C11orf65: variants seen among roughly 807,000 people sequenced by gnomAD.
C11orf65 encodes the protein chromosome 11 open reading frame 65, also known as protein MFI.
In C11orf65, 38 loss-of-function variants were observed where a neutral mutation model predicts 35.3. That is an observed-to-expected ratio of 1.08 (90% CI 0.83 to 1.41). C11orf65 has a LOEUF of 1.41. Among genes scored for constraint, C11orf65 ranks in the 40% most tolerant of loss-of-function variants. The pLI is 0.00. For missense variants in C11orf65, 370 were observed against 367.1 expected (o/e 1.01, Z -0.06); for synonymous variants, 105 against 114.4 (o/e 0.92, Z 0.53).
intron 3 of C11orf65, among the ~76,000 whole-genome samples, chr11:108,407,485 A>ATT (rs375638984): frequency 0.015 from 2,006 of 137,082 alleles, 53 homozygotes; most frequent in African/African-American, 0.046. Context: ...CTAATTTTGT[A>ATT]TTTTTTTTTT....
chr11:108,356,302 G>A (rs537440410), intron 2 of C11orf65, among the ~76,000 whole-genome samples: 19 of 152,126 alleles, frequency 1.2e-4, no homozygotes, highest in Non-Finnish European at 2.2e-4. Flanking sequence ...TTGAGAGGCC[G>A]AGACAGGTGG....
In C11orf65 at chr11:108,335,944, A is replaced by G. The variant is rs2086799919; in HGVS notation, c.227-652T>C. The G allele has an allele frequency of 3.7e-6, 6 of 1,609,648 alleles. No individual in the cohort carries two copies. The highest frequency in any genetic ancestry group is 5.1e-6 in the Non-Finnish European group (6 of 1,176,022). ...CACGGAAACTAGGAAGAGGAAATTAACTATCTGTACTTATAAGGTAACTAT... is the reference window on the plus strand; with the variant it reads ...CACGGAAACTAGGAAGAGGAAATTAGCTATCTGTACTTATAAGGTAACTAT... On this transcript the variant is annotated intron_variant, in intron 2 of 3. Coordinates refer to the C11orf65 transcript ENST00000524755.
At chr11:108,378,684 G>C, downstream of C11orf65, among the ~76,000 whole-genome samples, 3 of 137,008 alleles carry the variant, frequency 2.2e-5, no homozygotes, top group African/African-American at 9.0e-5. Flanking sequence ...TACCATCAGA[G>C]TGAACAGGCA....
At chr11:108,450,587 G>A (rs1301659187) in intron 2 of C11orf65, among the ~76,000 whole-genome samples, 1 of 131,074 alleles carries the variant, frequency 7.6e-6, no homozygotes, top group Non-Finnish European at 1.6e-5. Flanking sequence ...GAACACATAG[G>A]CACAGGAAGG....
intron 3 of C11orf65, among the ~76,000 whole-genome samples, chr11:108,412,627 T>A (rs1285378907): frequency 6.6e-6 from 1 of 152,154 alleles, no homozygotes; most frequent in Non-Finnish European, 1.5e-5. Flanking sequence ...TCCCAGCTAC[T>A]TCAGAGGCTG....
At position 108,383,087 on chromosome 11, in the gene C11orf65, G is replaced by A. The variant is rs148030903; in HGVS notation, c.876C>T (p.Tyr292=). Residue 292 remains tyrosine (Y), a synonymous_variant, in exon 9 of 9, where the codon TAC becomes TAT. Transcript: ENST00000393084. ...TTGGTTCTTGATAAACATTTTCATA[G>A]TAAGTATCATCTGGTATTCCCATTT... ...KMQMGIPDDT[Y]YENVYQEPNV... The A allele has an allele frequency of 3.7e-6, 6 of 1,611,384 alleles. No individual in the cohort carries two copies. Among genetic ancestry groups the A allele is most frequent in the Admixed American group, 3.4e-5 (2 of 59,620 alleles).
At position 108,354,821 on chromosome 11, in the gene C11orf65, A is replaced by G. The variant is rs587779875; in HGVS notation, c.227-19529T>C. ...TGTGTTTGACTCTAGATGCTGTGAGAAAACCATGGAAGTGATGAGAAACTC... is the reference window on the plus strand; with the variant it reads ...TGTGTTTGACTCTAGATGCTGTGAGGAAACCATGGAAGTGATGAGAAACTC... On this transcript the variant is annotated intron_variant, in intron 2 of 3. Transcript: ENST00000524755. 3.7e-6 allele frequency: 6 copies of G among 1,613,820 alleles called. No homozygotes were observed. The East Asian group carries it at 1.3e-4, about 36-fold the overall frequency.
At chr11:108,429,188 C>G (rs945162650) in intron 3 of C11orf65, among the ~76,000 whole-genome samples, 1 of 151,932 alleles carries the variant, frequency 6.6e-6, no homozygotes, top group Non-Finnish European at 1.5e-5. Context: ...ATTAAAAAGG[C>G]ACCAACCACA....
At chr11:108,378,258 G>A (rs1358090635), downstream of C11orf65, among the ~76,000 whole-genome samples, 29 of 149,766 alleles carry the variant, frequency 1.9e-4, no homozygotes, top group South Asian at 5.1e-3. Context: ...AACCAAAACA[G>A]CATGGTACTG....
chr11:108,384,798 C>T (rs1429048614), intron 8 of C11orf65, among the ~76,000 whole-genome samples: 1 of 152,010 alleles, frequency 6.6e-6, no homozygotes, highest in East Asian at 1.9e-4. Flanking sequence ...AACAAACAAA[C>T]AAACAAACAA....
intron 2 of C11orf65, chr11:108,368,547 A>C (rs1258063242): frequency 9.2e-6 from 2 of 216,950 alleles, no homozygotes; most frequent in African/African-American, 4.5e-5. Context: ...AGAAGATAGT[A>C]AATTATAAGT....
chr11:108,308,693 G>A (rs565498411), exon 7 of C11orf65: 3 of 295,368 alleles, frequency 1.0e-5, no homozygotes, highest in Non-Finnish European at 2.0e-5. Flanking sequence ...GGTTGGTAAA[G>A]AATGAGAGGG....
At chr11:108,335,380 GA>G (rs1225184596) in intron 2 of C11orf65, 65 of 1,000,130 alleles carry the variant, frequency 6.5e-5, no homozygotes, top group Middle Eastern at 3.1e-4. Flanking sequence ...TGCTTCTTAT[GA>G]AAAAAAATAC....
intron 3 of C11orf65, among the ~76,000 whole-genome samples, chr11:108,410,755 C>G (rs1337059465): frequency 1.4e-5 from 2 of 145,268 alleles, no homozygotes; most frequent in Non-Finnish European, 3.0e-5. Flanking sequence ...GTCGCTCAGT[C>G]TGGGGTGCAG....
At chr11:108,440,001 T>C (rs1414504568) in intron 2 of C11orf65, among the ~76,000 whole-genome samples, 1 of 152,188 alleles carries the variant, frequency 6.6e-6, no homozygotes, top group Non-Finnish European at 1.5e-5. Context: ...AAGTGAACAC[T>C]GGCTGTTTAA....
intron 2 of C11orf65, among the ~76,000 whole-genome samples, chr11:108,377,090 A>G (rs2091749971): frequency 6.6e-6 from 1 of 151,242 alleles, no homozygotes; most frequent in Non-Finnish European, 1.5e-5. Flanking sequence ...AAACTATTCC[A>G]ATCAATAGAA....
chr11:108,385,803 C>T (rs1220702289), intron 8 of C11orf65, 117 bp downstream of exon 8: 2 of 769,702 alleles, frequency 2.6e-6, no homozygotes, highest in Non-Finnish European at 4.3e-6. Flanking sequence ...TTGACAAATG[C>T]ATCTAAATTT....
chr11:108,456,434 C>T (rs2093412269), intron 2 of C11orf65, among the ~76,000 whole-genome samples: 1 of 152,086 alleles, frequency 6.6e-6, no homozygotes, highest in Non-Finnish European at 1.5e-5. Context: ...AAAATATCTT[C>T]TGACTAGGTT....
chr11:108,395,099 C>T (rs2092274199), intron 6 of C11orf65, among the ~76,000 whole-genome samples: 1 of 151,766 alleles, frequency 6.6e-6, no homozygotes, highest in Admixed American at 6.6e-5. Flanking sequence ...CTACTGCACT[C>T]CAGCCTGGGT....
Sources: allele counts gnomAD v4.1 joint callset (sites outside exome capture counted in the v4.1 genomes callset), GRCh38; gene constraint gnomAD v4.1.1; transcripts MANE v1.5; gene names NCBI Gene and HGNC (gene_info 2026-07-23, HGNC 2026-07-21).